Variants in FBXO43 observed in about 807,000 individuals in gnomAD.
The protein encoded by FBXO43 is F-box only protein 43.
A neutral mutation model predicts 56.7 loss-of-function variants in FBXO43; 22 were observed. The ratio of observed to expected loss-of-function variants is 0.39; its 90% CI spans 0.28 to 0.55. The LOEUF (loss-of-function observed/expected upper bound fraction) is 0.55. Among genes scored for constraint, FBXO43 ranks in the 20% least tolerant of loss-of-function variants. The pLI, the probability that FBXO43 is intolerant of heterozygous loss-of-function variation, is 0.66. For missense variants in FBXO43, 733 were observed against 814.9 expected (o/e 0.90, Z 1.22); for synonymous variants, 306 against 294.5 (o/e 1.04, Z -0.40).
rs1248665905 is a variant in FBXO43 at position 100,140,839 on chromosome 8, C to T, written c.1415G>A (p.Gly472Glu). The change falls in exon 2 of 5, where the codon GGG (glycine) becomes GAG (glutamate). Residue 472 changes from glycine (G) to glutamate (E), a missense_variant. Coordinates refer to ENST00000428847, the MANE Select transcript of FBXO43 (RefSeq NM_001029860.4). ...ACACTGCAGTACAGCTATTTTCTCC[C>T]CATCCCCTTGCTCTAAGAATTCATG... ...SGHEFLEQGD[G>E]EKIAVLQCIL... is the part of the protein sequence containing the mutation. The T allele has an allele frequency of 6.2e-7, 1 of 1,614,196 alleles. No individual in the cohort carries two copies. Among genetic ancestry groups the T allele is most frequent in the Non-Finnish European group, 8.5e-7 (1 of 1,180,040 alleles).
upstream of FBXO43, among the ~76,000 whole-genome samples, chr8:100,148,777 T>A (rs1814873090): frequency 6.6e-6 from 1 of 152,194 alleles, no homozygotes; most frequent in South Asian, 2.1e-4. Flanking sequence ...AAAACCCACC[T>A]GCTTGCCACA....
chr8:100,134,663 A>C (rs114537564), intron 3 of FBXO43, among the ~76,000 whole-genome samples: 3 of 152,096 alleles, frequency 2.0e-5, no homozygotes, highest in Non-Finnish European at 4.4e-5. Context: ...CCTTTCCTGC[A>C]AAAGGACCAG....
Position 100,140,747 on chromosome 8 carries a change from A to G in FBXO43, c.1507T>C (p.Tyr503His), listed in dbSNP as rs1814612693. 21 of 1,613,400 alleles carry G rather than the reference A, an allele frequency of 1.3e-5. No individual in the cohort carries two copies. The highest frequency in any genetic ancestry group is 1.7e-5 in the Non-Finnish European group (20 of 1,179,702). Reference sequence around the variant, plus strand: ...GCAAGAATATGCTTTAAATTTCTATATTTTAATTCTGTTAAGATGTCCAGT... The same window carrying G: ...GCAAGAATATGCTTTAAATTTCTATGTTTTAATTCTGTTAAGATGTCCAGT... Reference protein sequence around the residue: ...EKLDILTELKYRNLKHILAMV... With the variant: ...EKLDILTELKHRNLKHILAMV... Residue 503 changes from tyrosine (Y) to histidine (H), a missense_variant, in exon 2 of 5, where the codon TAT becomes CAT. Tyr to His is a moderately conservative substitution (Grantham distance 83, BLOSUM62 2). Transcript: ENST00000428847.
rs774371327 is a variant in FBXO43, at chr8:100,141,745, TC to T, written c.508del (p.Glu170AsnfsTer7). On this transcript the variant is annotated frameshift_variant, in exon 2 of 5. Coordinates refer to ENST00000428847, the MANE Select transcript of FBXO43 (RefSeq NM_001029860.4). LOFTEE classifies it high-confidence loss of function. ...ACTTTCTAAAGAACTATTTTGTGAT[TC>T]AAAGTCCCCTTTTAGAAGAGCGAAA... ...VSFALLKGDF[E>X]SQNSSLESSI... is the part of the protein sequence containing the mutation. The T allele has an allele frequency of 6.3e-7, 1 of 1,595,060 alleles. No individual in the cohort carries two copies. The highest frequency in any genetic ancestry group is 1.4e-5 in the African/African-American group (1 of 73,962).
intron 1 of FBXO43, among the ~76,000 whole-genome samples, chr8:100,143,218 G>A (rs1291299919): frequency 1.3e-5 from 2 of 152,176 alleles, no homozygotes; most frequent in African/African-American, 4.8e-5. Context: ...ATGATTCAAA[G>A]GACATGAAGA....
At chr8:100,135,689 C>G (rs1814448380) in intron 3 of FBXO43, among the ~76,000 whole-genome samples, 1 of 151,960 alleles carries the variant, frequency 6.6e-6, no homozygotes, top group Non-Finnish European at 1.5e-5. Context: ...ACTGCAACCT[C>G]CACCTCCCAG....
chr8:100,145,087 C>G lies in FBXO43; in HGVS notation c.49G>C (p.Val17Leu), dbSNP rs756925561. ...CTTGAGCTCTTAGATGTCAAAGTTA[C>G]GTAGGCTTCCAAACAAGAAATTCTC... The part of the protein sequence containing the change: ...DERISCLEAY[V>L]TLTSKSSRFT... The change falls in exon 1 of 5, where the codon GTA (valine) becomes CTA (leucine). Residue 17 changes from valine to leucine, a missense_variant. Coordinates refer to ENST00000428847, the MANE Select transcript of FBXO43 (RefSeq NM_001029860.4). 21 of 1,612,132 alleles carry G rather than the reference C, an allele frequency of 1.3e-5. No homozygotes were observed. Among genetic ancestry groups the G allele is most frequent in the Non-Finnish European group, 1.8e-5 (21 of 1,178,678 alleles).
At chr8:100,140,361 T>C (rs908048142) in intron 2 of FBXO43, among the ~76,000 whole-genome samples, 1 of 152,146 alleles carries the variant, frequency 6.6e-6, no homozygotes, top group Non-Finnish European at 1.5e-5. Context: ...TCCCAGCTAC[T>C]TGGGAGGCTG....
intron 2 of FBXO43, 86 bp from the exon 3 acceptor site, chr8:100,137,753 G>C: frequency 1.0e-6 from 1 of 972,942 alleles, no homozygotes; most frequent in Non-Finnish European, 1.5e-6. Flanking sequence ...AGAAAAATTT[G>C]TTTTAAAGAT....
In FBXO43 at chr8:100,141,334, A is replaced by C; in HGVS notation, c.920T>G (p.Val307Gly). ...DIFVTPISNL[V>G]ANIRFNASQI... ...ACTTGCGTTAAATCTAATGTTTGCC[A>C]CAAGATTACTTATCGGAGTCACAAA... Residue 307 changes from valine to glycine, a missense_variant, in exon 2 of 5, where the codon GTG becomes GGG. Val to Gly is a moderately radical substitution (Grantham distance 109). Coordinates refer to ENST00000428847, the MANE Select transcript of FBXO43 (RefSeq NM_001029860.4). 1 of 1,613,856 alleles carries C rather than the reference A, an allele frequency of 6.2e-7. No individual in the cohort carries two copies. The highest frequency in any genetic ancestry group is 1.1e-5 in the South Asian group (1 of 91,088).
upstream of FBXO43, among the ~76,000 whole-genome samples, chr8:100,148,861 G>A (rs910031570): frequency 6.6e-6 from 1 of 152,074 alleles, no homozygotes; most frequent in East Asian, 1.9e-4. Flanking sequence ...TGATATTCAA[G>A]CTATCTGGAT....
intron 2 of FBXO43, 30 bp from the exon 3 acceptor site, chr8:100,137,697 C>T: frequency 6.7e-7 from 1 of 1,496,466 alleles, no homozygotes. Context: ...CCTTATATTG[C>T]ATACATTCTA....
rs1296223855 is a variant in FBXO43 at position 100,140,723 on chromosome 8, C to T, written c.1531G>A (p.Ala511Thr). 2.5e-6 allele frequency: 4 copies of T among 1,611,802 alleles called. No homozygotes were observed. Among genetic ancestry groups the T allele is most frequent in the Non-Finnish European group, 3.4e-6 (4 of 1,179,010 alleles). The change falls in exon 2 of 5, where the codon GCT becomes ACT. Residue 511 changes from alanine to threonine, a missense_variant. By Grantham distance (58) the Ala-to-Thr change is moderately conservative. Coordinates refer to ENST00000428847, the MANE Select transcript of FBXO43 (RefSeq NM_001029860.4). ...GCGGTCAAGGACTCTAAAACCATAG[C>T]AAGAATATGCTTTAAATTTCTATAT... The part of the protein sequence containing the change: ...LKYRNLKHIL[A>T]MVLESLTAES...
At chr8:100,142,774 C>T (rs972394321) in intron 1 of FBXO43, among the ~76,000 whole-genome samples, 1 of 152,216 alleles carries the variant, frequency 6.6e-6, no homozygotes, top group Non-Finnish European at 1.5e-5. Context: ...CAAAGACTGG[C>T]TCATCAATGA....
chr8:100,142,394 A>C (rs896662777), intron 1 of FBXO43, among the ~76,000 whole-genome samples: 3 of 152,238 alleles, frequency 2.0e-5, no homozygotes, highest in African/African-American at 7.2e-5. Flanking sequence ...ATAAATATTC[A>C]AAGATCACTT....
At chr8:100,146,249 T>G (rs965861300), upstream of FBXO43, among the ~76,000 whole-genome samples, 3 of 152,156 alleles carry the variant, frequency 2.0e-5, no homozygotes, top group African/African-American at 7.2e-5. Flanking sequence ...TATGTTTGCT[T>G]TTTAGTTCTT....
At chr8:100,146,757 C>T (rs1814838356), upstream of FBXO43, among the ~76,000 whole-genome samples, 1 of 152,158 alleles carries the variant, frequency 6.6e-6, no homozygotes, top group South Asian at 2.1e-4. Context: ...GAACTTCAAC[C>T]ATCACTTTTA....
chr8:100,134,342 T>A lies in FBXO43; in HGVS notation c.1697A>T (p.Asp566Val). 7 of 1,613,614 alleles carry A rather than the reference T, an allele frequency of 4.3e-6. No homozygotes were observed. Among genetic ancestry groups the A allele is most frequent in the Non-Finnish European group, 5.9e-6 (7 of 1,180,016 alleles). Reference sequence around the variant, plus strand: ...TAAAAGCTGGAGCCGAGTGGCAGCATCCTCGACATTTAATACAGCCCCCTG... The same window carrying A: ...TAAAAGCTGGAGCCGAGTGGCAGCAACCTCGACATTTAATACAGCCCCCTG... ...DSEGAVLNVEDAATRLQLLNR... is the reference protein window; with the variant it reads ...DSEGAVLNVEVAATRLQLLNR... Residue 566 changes from aspartate to valine, a missense_variant, in exon 4 of 5, where the codon GAT becomes GTT. Transcript: ENST00000428847.
At chr8:100,135,863 C>T (rs181823073) in intron 3 of FBXO43, among the ~76,000 whole-genome samples, 1 of 152,228 alleles carries the variant, frequency 6.6e-6, no homozygotes, top group Non-Finnish European at 1.5e-5. Context: ...ACCTCTGCTT[C>T]CCAAAGTGCT....
Sources: allele counts gnomAD v4.1 joint callset (sites outside exome capture counted in the v4.1 genomes callset), GRCh38; gene constraint gnomAD v4.1.1; transcripts MANE v1.5; gene names NCBI Gene and HGNC (gene_info 2026-07-23, HGNC 2026-07-21).